The following DLC1 variants were observed in gnomAD, a reference collection of about 807,000 sequenced individuals.
DLC1 encodes the protein DLC1 Rho GTPase activating protein.
In DLC1, 54 loss-of-function variants were observed where a neutral mutation model predicts 140.3. That is an observed-to-expected ratio of 0.38 (90% confidence interval 0.31 to 0.48). The LOEUF is 0.48. DLC1 is among the 20% of genes least tolerant of loss of function. The pLI is 0.96. For missense variants in DLC1, 2,536 were observed against 1,907.0 expected, an observed-to-expected ratio of 1.33 and a Z score of -6.14; for synonymous variants, 986 against 728.1, an observed-to-expected ratio of 1.35 and a Z score of -5.70.
chr8:13,443,657 C>CAAAAAAAAA (rs11321891), intron 2 of DLC1, among the ~76,000 whole-genome samples: 12 of 66,986 alleles, frequency 1.8e-4, no homozygotes, highest in African/African-American at 4.6e-4. Context: ...GACTCCGTCT[C>CAAAAAAAAA]AAAAAAAAAA....
intron 5 of DLC1, among the ~76,000 whole-genome samples, chr8:13,116,566 A>G (rs1053585964): frequency 6.6e-6 from 1 of 152,208 alleles, no homozygotes; most frequent in Non-Finnish European, 1.5e-5. Context: ...TTTATGCCAG[A>G]TTCAAATCTT....
intron 5 of DLC1, among the ~76,000 whole-genome samples, chr8:13,288,203 A>G (rs1831607574): frequency 1.3e-5 from 2 of 152,218 alleles, no homozygotes; most frequent in African/African-American, 4.8e-5. Flanking sequence ...GTTGTTATCT[A>G]AAGAGTTTCT....
chr8:13,134,652 T>C (rs1822418859), intron 5 of DLC1, among the ~76,000 whole-genome samples: 2 of 152,190 alleles, frequency 1.3e-5, no homozygotes, highest in Non-Finnish European at 2.9e-5. Context: ...ATTTCCCTCA[T>C]AAATTTTGAT....
At chr8:13,521,164 C>G (rs925971391) in intron 1 of DLC1, among the ~76,000 whole-genome samples, 19 of 152,124 alleles carry the variant, frequency 1.2e-4, no homozygotes, top group African/African-American at 4.1e-4. Flanking sequence ...GGAAACCAAA[C>G]ACTGCATGTT....
chr8:13,214,087 T>C (rs1828073320), intron 5 of DLC1, among the ~76,000 whole-genome samples: 1 of 152,032 alleles, frequency 6.6e-6, no homozygotes, highest in African/African-American at 2.4e-5. Flanking sequence ...CCTGGCTGTT[T>C]ATTTGTTTTC....
chr8:13,140,932 G>A (rs1392358583), intron 5 of DLC1, among the ~76,000 whole-genome samples: 2 of 151,974 alleles, frequency 1.3e-5, no homozygotes, highest in Non-Finnish European at 2.9e-5. Flanking sequence ...ATCACATATA[G>A]ATGCCTTGCT....
intron 4 of DLC1, among the ~76,000 whole-genome samples, chr8:13,316,736 T>C (rs1161529433): frequency 6.6e-6 from 1 of 152,164 alleles, no homozygotes; most frequent in Non-Finnish European, 1.5e-5. Context: ...CTCTCTGGGT[T>C]CTTTACTTGC....
intron 5 of DLC1, among the ~76,000 whole-genome samples, chr8:13,233,934 T>C (rs1444671499): frequency 6.6e-6 from 1 of 152,206 alleles, no homozygotes; most frequent in African/African-American, 2.4e-5. Context: ...AGTATAACAT[T>C]AAATGTCTCA....
intron 1 of DLC1, among the ~76,000 whole-genome samples, chr8:13,560,288 A>C (rs1028301425): frequency 5.3e-5 from 8 of 152,202 alleles, no homozygotes; most frequent in Admixed American, 2.0e-4. Flanking sequence ...CTAAAAAAAA[A>C]CTTTCACTTA....
intron 1 of DLC1, among the ~76,000 whole-genome samples, chr8:13,587,646 A>G (rs1805377035): frequency 1.3e-5 from 2 of 149,046 alleles, no homozygotes; most frequent in South Asian, 4.2e-4. Flanking sequence ...ATATATATGT[A>G]TGTTTATATA....
chr8:13,472,242 C>G (rs964370687), intron 2 of DLC1, among the ~76,000 whole-genome samples: 1 of 152,010 alleles, frequency 6.6e-6, no homozygotes, highest in Non-Finnish European at 1.5e-5. Flanking sequence ...GAGTCTCCTT[C>G]CAGAAGAAAA....
At chr8:13,545,264 G>A (rs1265603747) in intron 1 of DLC1, among the ~76,000 whole-genome samples, 1 of 150,930 alleles carries the variant, frequency 6.6e-6, no homozygotes. Flanking sequence ...TTTATGGAAA[G>A]GTAATAGGGA....
intron 2 of DLC1, among the ~76,000 whole-genome samples, chr8:13,453,382 C>A (rs749305157): frequency 1.1e-5 from 1 of 88,466 alleles, no homozygotes; most frequent in Non-Finnish European, 2.2e-5. Flanking sequence ...AATAAGATGG[C>A]CCAGGATATA....
At position 13,100,055 on chromosome 8, in the gene DLC1, C is replaced by T; in HGVS notation, c.2282G>A (p.Arg761Lys). 1 of 1,613,278 alleles carries T rather than the reference C, an allele frequency of 6.2e-7. No homozygotes were observed. The change falls in exon 9 of 18, where the codon AGG (arginine) becomes AAG (lysine). Residue 761 changes from arginine (R) to lysine (K), a missense_variant. By Grantham distance (26) the Arg-to-Lys change is conservative (BLOSUM62 2). Transcript: ENST00000276297. ...GTTGCACGCACTGAGGCTCCGGGTC[C>T]TCGTAACAGGGCTGGGCGTGCTGAC... ...SAVSTPSPVT[R>K]TRSLSACNKR... is the part of the protein sequence containing the mutation.
chr8:13,307,755 C>T (rs1477692261), intron 4 of DLC1, among the ~76,000 whole-genome samples: 1 of 152,144 alleles, frequency 6.6e-6, no homozygotes, highest in Admixed American at 6.5e-5. Flanking sequence ...CTTTTGACTG[C>T]AGAAATTCAC....
intron 3 of DLC1, among the ~76,000 whole-genome samples, chr8:13,395,229 T>G (rs1424312022): frequency 1.3e-5 from 2 of 151,790 alleles, no homozygotes; most frequent in Non-Finnish European, 2.9e-5. Context: ...CATGCAATTC[T>G]CCTGCCTCAA....
chr8:13,597,576 A>G (rs931984665), intron 1 of DLC1, among the ~76,000 whole-genome samples: 2 of 152,080 alleles, frequency 1.3e-5, no homozygotes, highest in Non-Finnish European at 2.9e-5. Flanking sequence ...AATAAGATAA[A>G]GATCATAGTG....
At chr8:13,297,068 A>G (rs1450940514) in intron 5 of DLC1, among the ~76,000 whole-genome samples, 2 of 151,726 alleles carry the variant, frequency 1.3e-5, no homozygotes, top group Non-Finnish European at 2.9e-5. Context: ...TGTGAGTTCA[A>G]GATCTTTGGC....
At chr8:13,305,595 T>G (rs1213596269) in intron 4 of DLC1, among the ~76,000 whole-genome samples, 1 of 152,132 alleles carries the variant, frequency 6.6e-6, no homozygotes, top group African/African-American at 2.4e-5. Flanking sequence ...CCCAGAACTT[T>G]GGGAGGCAGA....
Sources: gnomAD v4.1 joint callset for allele counts (sites outside exome capture counted in the v4.1 genomes callset) on GRCh38, gnomAD v4.1.1 for gene constraint, MANE v1.5 for transcripts, NCBI Gene and HGNC (gene_info 2026-07-23, HGNC 2026-07-21) for gene names.